The following CHD7 variants were observed in gnomAD, a reference collection of about 807,000 sequenced individuals.
CHD7 encodes the protein ATP-dependent chromatin remodeler CHD7.
Under a neutral mutation model 307.3 loss-of-function variants are expected in CHD7, and 24 were observed. The ratio of observed to expected loss-of-function variants is 0.08; its 90% CI spans 0.06 to 0.11. The LOEUF (loss-of-function observed/expected upper bound fraction) is 0.11, where lower values mean the gene tolerates loss of function less well. CHD7 is among the 10% of genes least tolerant of loss of function. The pLI, the probability that CHD7 is intolerant of heterozygous loss-of-function variation, is 1.00. For missense variants in CHD7, 3,106 were observed against 3,727.1 expected (o/e 0.83, Z 4.34); for synonymous variants, 1,363 against 1,349.9 (o/e 1.01, Z -0.21).
At chr8:60,823,673 A>G (rs1054386339) in intron 12 of CHD7, among the ~76,000 whole-genome samples, 167 bp from the exon 13 acceptor site, 2 of 152,184 alleles carry the variant, frequency 1.3e-5, no homozygotes, top group Admixed American at 6.5e-5. Flanking sequence ...ATTCTGTTTT[A>G]CCATATCGTT....
Position 60,844,890 on chromosome 8 carries a change from C to T in CHD7, c.4877C>T (p.Ser1626Phe), listed in dbSNP as rs369608927. 31 of 1,606,754 alleles carry T rather than the reference C, an allele frequency of 1.9e-5. No homozygotes were observed. Among genetic ancestry groups the T allele is most frequent in the Non-Finnish European group, 2.6e-5 (30 of 1,174,906 alleles). The change falls in exon 22 of 38, where the codon TCC becomes TTC. Residue 1626 changes from serine to phenylalanine, a missense_variant. Physicochemically the swap from Ser to Phe is radical, Grantham distance 155. This residue lies in a region of CHD7 where 122 missense variants were observed against 124.5 expected (regional missense o/e 0.98). Coordinates refer to ENST00000423902, the MANE Select transcript of CHD7 (RefSeq NM_017780.4). ...YGWGRWTDIL[S>F]HGRYKRQLTE... ...TGGGGACGGTGGACAGACATTCTTT[C>T]CCACGGACGCTATAAACGCCAACTC... is the stretch of plus-strand genomic sequence containing the variant.
At chr8:60,752,765 A>G (rs1200492586) in intron 2 of CHD7, among the ~76,000 whole-genome samples, 2 of 152,176 alleles carry the variant, frequency 1.3e-5, no homozygotes, top group Admixed American at 1.3e-4. Context: ...GCAATTTGTG[A>G]TGTGTTTGTT....
intron 1 of CHD7, among the ~76,000 whole-genome samples, chr8:60,680,104 C>T (rs1460327218): frequency 6.6e-6 from 1 of 151,578 alleles, no homozygotes; most frequent in Non-Finnish European, 1.5e-5. Context: ...GGCTCCCCCG[C>T]CCCCCAACCC....
chr8:60,763,467 C>A (rs973980490), intron 2 of CHD7, among the ~76,000 whole-genome samples: 3 of 151,914 alleles, frequency 2.0e-5, no homozygotes, highest in African/African-American at 4.8e-5. Flanking sequence ...GGGTGGGGAG[C>A]GGTCAGGGGA....
intron 1 of CHD7, among the ~76,000 whole-genome samples, 156 bp from the exon 2 acceptor site, chr8:60,741,103 T>C (rs539157896): frequency 7.9e-5 from 12 of 152,322 alleles, no homozygotes; most frequent in African/African-American, 2.4e-4. Context: ...TCTCTTAAAG[T>C]GAACTAAATT....
Position 60,821,919 on chromosome 8 carries a change from G to A in CHD7, c.2827G>A (p.Glu943Lys), listed in dbSNP as rs751691380. ...ACTAATGTCCAGGGAGCCGGAAACAGAGCGTGTGGTAAGAATTGGCTGATG... is the reference window on the plus strand; with the variant it reads ...ACTAATGTCCAGGGAGCCGGAAACAAAGCGTGTGGTAAGAATTGGCTGATG... ...EKLMSREPET[E>K]RVERPPADDW... Residue 943 changes from glutamate (E) to lysine (K), a missense_variant, in exon 10 of 38, where the codon GAG becomes AAG. By Grantham distance (56) the Glu-to-Lys change is moderately conservative. Around this residue, in one of 10 missense-constraint regions of CHD7, gnomAD observed 188 missense variants for 261.7 expected, o/e 0.72. Transcript: ENST00000423902. 1.2e-6 allele frequency: 2 copies of A among 1,613,246 alleles called. No individual in the cohort carries two copies. Among genetic ancestry groups the A allele is most frequent in the East Asian group, 4.5e-5 (2 of 44,866 alleles).
intron 8 of CHD7, among the ~76,000 whole-genome samples, 166 bp from the exon 9 acceptor site, chr8:60,819,841 G>A (rs912286762): frequency 6.6e-6 from 1 of 152,218 alleles, no homozygotes; most frequent in Non-Finnish European, 1.5e-5. Flanking sequence ...TCCTCATGGG[G>A]AGTGATTTTG....
chr8:60,777,146 T>C (rs1254662567), intron 2 of CHD7, among the ~76,000 whole-genome samples: 1 of 152,258 alleles, frequency 6.6e-6, no homozygotes, highest in Non-Finnish European at 1.5e-5. Context: ...TACCATGTTA[T>C]TCTGGTCCGC....
At chr8:60,762,321 C>T (rs547726185) in intron 2 of CHD7, among the ~76,000 whole-genome samples, 2 of 152,324 alleles carry the variant, frequency 1.3e-5, no homozygotes, top group African/African-American at 4.8e-5. Flanking sequence ...TCTGCTGACA[C>T]TGCTGAATGT....
chr8:60,829,025 T>A (rs1258852228), intron 14 of CHD7, among the ~76,000 whole-genome samples: 1 of 152,176 alleles, frequency 6.6e-6, no homozygotes, highest in South Asian at 2.1e-4. Flanking sequence ...GCTGTTGAGA[T>A]TTATAGAGAG....
rs757521506 is a variant in CHD7, at chr8:60,865,206, C to T, written c.8267C>T (p.Thr2756Met). The change falls in exon 38 of 38, where the codon ACG (threonine) becomes ATG (methionine). Residue 2756 changes from threonine to methionine, a missense_variant. Thr to Met is a moderately conservative substitution (Grantham distance 81, BLOSUM62 -1). Transcript: ENST00000423902. This position sits in a 1 kb window ranked among gnomAD's most constrained non-coding sequence, Gnocchi z 4.3. ...VNSLFAGMDL[T>M]SLQNLQNLQS... ...AGCCTGTTTGCTGGAATGGACCTGA[C>T]GAGCCTTCAGAATCTCCAGAATCTC... 3.7e-6 allele frequency: 6 copies of T among 1,610,564 alleles called. No individual in the cohort carries two copies. The East Asian group carries it at 6.7e-5, about 18-fold the overall frequency.
chr8:60,775,592 A>G (rs902261819), intron 2 of CHD7, among the ~76,000 whole-genome samples: 3 of 152,200 alleles, frequency 2.0e-5, no homozygotes, highest in Non-Finnish European at 2.9e-5. Flanking sequence ...AGTATAATCA[A>G]AAGTATATTT....
intron 15 of CHD7, among the ~76,000 whole-genome samples, chr8:60,832,165 G>A (rs1039110570): frequency 6.6e-6 from 1 of 152,078 alleles, no homozygotes; most frequent in African/African-American, 2.4e-5. Flanking sequence ...GGGACTACAG[G>A]CATGCGCCAC....
intron 1 of CHD7, among the ~76,000 whole-genome samples, chr8:60,700,058 G>A (rs187983606): frequency 6.6e-5 from 10 of 152,086 alleles, no homozygotes; most frequent in Admixed American, 1.3e-4. Flanking sequence ...GGCTGCTCTC[G>A]AACTCCCGAC....
At chr8:60,804,240 A>G (rs1445212484) in intron 6 of CHD7, among the ~76,000 whole-genome samples, 2 of 152,228 alleles carry the variant, frequency 1.3e-5, no homozygotes. Flanking sequence ...ATGAGTAGAT[A>G]CTTGGATTGT....
chr8:60,731,806 A>G (rs1808469618), intron 1 of CHD7, among the ~76,000 whole-genome samples: 3 of 152,194 alleles, frequency 2.0e-5, no homozygotes, highest in Admixed American at 6.5e-5. Flanking sequence ...AAAGATCTCA[A>G]CCTTCCTTTA....
chr8:60,806,309 G>A (rs949553291), intron 6 of CHD7, among the ~76,000 whole-genome samples: 10 of 152,114 alleles, frequency 6.6e-5, no homozygotes, highest in Admixed American at 2.0e-4. Context: ...CTTGCAGTGA[G>A]CCGAGATTGC....
intron 1 of CHD7, among the ~76,000 whole-genome samples, chr8:60,707,391 C>T (rs1714386096): frequency 6.6e-6 from 1 of 152,176 alleles, no homozygotes; most frequent in Non-Finnish European, 1.5e-5. Flanking sequence ...TTCTGTGGTC[C>T]TGCTAGATTT....
In CHD7 at chr8:60,856,218, T is replaced by A. The variant is rs547477059; in HGVS notation, c.7164+16T>A. ...GTTGTCAAAGGTGAATTAGAATGGC[T>A]TGTTTCTGCAGCTTAAAAGGGAGCT... On this transcript the variant is annotated intron_variant, in intron 33 of 37. Coordinates refer to ENST00000423902, the MANE Select transcript of CHD7 (RefSeq NM_017780.4). The A allele has an allele frequency of 1.3e-6, 2 of 1,544,226 alleles. No homozygotes were observed. Among genetic ancestry groups the A allele is most frequent in the Non-Finnish European group, 1.8e-6 (2 of 1,138,066 alleles).
Sources: allele counts gnomAD v4.1 joint callset (sites outside exome capture counted in the v4.1 genomes callset), GRCh38; gene constraint gnomAD v4.1.1; regional missense constraint gnomAD v4.1.1; non-coding constraint Gnocchi (gnomAD v3.1); transcripts MANE v1.5; gene names NCBI Gene and HGNC (gene_info 2026-07-23, HGNC 2026-07-21).